The following SPESP1 variants were observed in gnomAD, a reference collection of about 807,000 sequenced individuals.
The protein encoded by SPESP1 is equatorial segment protein.
In SPESP1, 1 loss-of-function variant was observed where a neutral mutation model predicts 3.1. The ratio of observed to expected loss-of-function variants is 0.33; its 90% confidence interval spans 0.12 to 1.54. The LOEUF (loss-of-function observed/expected upper bound fraction) is 1.54. Among genes scored for constraint, SPESP1 ranks in the 40% most tolerant of loss-of-function variants. The pLI is 0.38. For synonymous variants in SPESP1, 138 were observed against 150.7 expected (o/e 0.92, Z 0.62); for missense variants, 398 against 410.1 (o/e 0.97, Z 0.26).
At chr15:68,931,800 TTAGTCTAACTG>T (rs1895550341) in intron 1 of SPESP1, among the ~76,000 whole-genome samples, 1 of 152,220 alleles carries the variant, frequency 6.6e-6, no homozygotes, top group African/African-American at 2.4e-5. Context: ...GCTTCCCCAT[TTAGTCTAACTG>T]TAGTTCATTG....
chr15:68,931,928 C>T (rs558002723), intron 1 of SPESP1, among the ~76,000 whole-genome samples: 3 of 152,264 alleles, frequency 2.0e-5, no homozygotes, highest in African/African-American at 7.2e-5. Flanking sequence ...ATCTATTTTT[C>T]AGAATTGCTA....
At chr15:68,932,851 A>G (rs1367310247) in intron 1 of SPESP1, among the ~76,000 whole-genome samples, 1 of 152,254 alleles carries the variant, frequency 6.6e-6, no homozygotes, top group Non-Finnish European at 1.5e-5. Flanking sequence ...GGTTGTAATC[A>G]TAGAAGATGT....
chr15:68,942,927 T>TTATAAA (rs6145618), intron 1 of SPESP1, among the ~76,000 whole-genome samples: 3 of 151,714 alleles, frequency 2.0e-5, no homozygotes, highest in African/African-American at 2.4e-5. Flanking sequence ...ACAATGCATT[T>TTATAAA]TATGAGTTTA....
At chr15:68,938,496 A>AT (rs1297382497) in intron 1 of SPESP1, among the ~76,000 whole-genome samples, 2 of 152,124 alleles carry the variant, frequency 1.3e-5, no homozygotes, top group African/African-American at 4.8e-5. Context: ...ATTTTGGTCC[A>AT]TTTGATGATA....
chr15:68,930,555 A>C lies in SPESP1; in HGVS notation c.-99A>C. On this transcript the variant is annotated 5_prime_UTR_variant, in exon 1 of 2. Coordinates refer to ENST00000310673, the MANE Select transcript of SPESP1 (RefSeq NM_145658.4). ...TGGGTGTCCCAGGGCCTGAGGCAGGACGGTACTCCGCTGACACCTTCCCTT... is the reference window on the plus strand; with the variant it reads ...TGGGTGTCCCAGGGCCTGAGGCAGGCCGGTACTCCGCTGACACCTTCCCTT... 1 of 1,505,756 alleles carries C rather than the reference A, an allele frequency of 6.6e-7. No individual in the cohort carries two copies. The highest frequency in any genetic ancestry group is 9.1e-7 in the Non-Finnish European group (1 of 1,094,920). 93.3% of individuals were successfully genotyped at this position (1,505,756 alleles called of 1,614,324 possible).
intron 1 of SPESP1, among the ~76,000 whole-genome samples, chr15:68,937,863 C>T (rs888126663): frequency 3.9e-5 from 6 of 152,108 alleles, no homozygotes; most frequent in African/African-American, 1.2e-4. Context: ...AGTTTTCATG[C>T]AAATTGGCTT....
At chr15:68,931,770 A>G (rs1366348915) in intron 1 of SPESP1, among the ~76,000 whole-genome samples, 1 of 152,208 alleles carries the variant, frequency 6.6e-6, no homozygotes, top group East Asian at 1.9e-4. Flanking sequence ...GGCACTTAGT[A>G]TTTAAGTCAG....
At chr15:68,940,474 C>G (rs1466202938) in intron 1 of SPESP1, among the ~76,000 whole-genome samples, 6 of 152,112 alleles carry the variant, frequency 3.9e-5, no homozygotes, top group Non-Finnish European at 7.4e-5. Flanking sequence ...TTGTCTTTCT[C>G]TTTTTCCAGT....
intron 1 of SPESP1, among the ~76,000 whole-genome samples, chr15:68,939,336 A>G (rs1212427822): frequency 6.6e-6 from 1 of 152,346 alleles, no homozygotes; most frequent in South Asian, 2.1e-4. Context: ...AAGTATAATA[A>G]CACAACTTCT....
At chr15:68,930,749 G>C in intron 1 of SPESP1, 32 bp downstream of exon 1, 1 of 1,612,728 alleles carries the variant, frequency 6.2e-7, no homozygotes, top group Non-Finnish European at 8.5e-7. Context: ...GCAGCGGACC[G>C]GGGACACCCT....
At chr15:68,930,955 G>A (rs926786609) in intron 1 of SPESP1, among the ~76,000 whole-genome samples, 6 of 152,192 alleles carry the variant, frequency 3.9e-5, no homozygotes, top group African/African-American at 1.4e-4. Flanking sequence ...CCGTGGGCGC[G>A]GGTGGAACCC....
chr15:68,931,415 G>T (rs952653403), intron 1 of SPESP1, among the ~76,000 whole-genome samples: 27 of 152,266 alleles, frequency 1.8e-4, no homozygotes, highest in Admixed American at 9.1e-4. Flanking sequence ...GCCCATGGCT[G>T]CTTTCCCACG....
intron 1 of SPESP1, among the ~76,000 whole-genome samples, chr15:68,943,312 ACT>A (rs1003381121): frequency 3.9e-5 from 6 of 152,106 alleles, no homozygotes; most frequent in Admixed American, 2.6e-4. Flanking sequence ...ATAACATCAA[ACT>A]CTATGTTTTA....
At chr15:68,932,618 C>G (rs1895578112) in intron 1 of SPESP1, among the ~76,000 whole-genome samples, 4 of 152,168 alleles carry the variant, frequency 2.6e-5, no homozygotes, top group Admixed American at 6.5e-5. Context: ...TCTCGAGCTC[C>G]TGACCTCAAA....
chr15:68,933,241 T>C (rs1895596983), intron 1 of SPESP1, among the ~76,000 whole-genome samples: 1 of 152,216 alleles, frequency 6.6e-6, no homozygotes, highest in African/African-American at 2.4e-5. Flanking sequence ...TATCTGCCTA[T>C]ACCTTTCTAA....
chr15:68,946,562 T>A lies in SPESP1; in HGVS notation c.1028T>A (p.Val343Asp), dbSNP rs1454963188. ...TLKNMCRSRRVTALLKVY is the reference protein window; with the variant it reads ...TLKNMCRSRRDTALLKVY Reference sequence around the variant, plus strand: ...AAAAATATGTGTAGATCAAGGAGAGTCACAGCCTTATTAAAAGTTTATTAA... The same window carrying A: ...AAAAATATGTGTAGATCAAGGAGAGACACAGCCTTATTAAAAGTTTATTAA... Residue 343 changes from valine (V) to aspartate (D), a missense_variant, in exon 2 of 2, where the codon GTC becomes GAC. Physicochemically the swap from Val to Asp is radical, Grantham distance 152. Coordinates refer to ENST00000310673, the MANE Select transcript of SPESP1 (RefSeq NM_145658.4). The A allele has an allele frequency of 2.0e-6, 3 of 1,479,886 alleles. No homozygotes were observed. The highest frequency in any genetic ancestry group is 4.7e-5 in the East Asian group (2 of 42,278). 91.7% of individuals were successfully genotyped at this position (1,479,886 alleles called of 1,614,324 possible).
chr15:68,938,846 T>C (rs550888871), intron 1 of SPESP1, among the ~76,000 whole-genome samples: 2 of 152,340 alleles, frequency 1.3e-5, no homozygotes, highest in African/African-American at 4.8e-5. Context: ...TCTAAGTCTC[T>C]TCCTTTTCTT....
In SPESP1 at chr15:68,946,284, T is replaced by G; in HGVS notation, c.750T>G (p.Tyr250Ter). ...ALLSDTSNPA[Y>*]REDIEASKDH... ...TTAGTGACACCAGCAACCCAGCATA[T>G]AGAGAAGATATTGAAGCCTCTAAAG... Residue 250 changes from tyrosine (Y) to a stop codon, truncating the protein, a stop_gained, in exon 2 of 2, where the codon TAT becomes TAG. Coordinates refer to ENST00000310673, the MANE Select transcript of SPESP1 (RefSeq NM_145658.4). LOFTEE classifies it low-confidence loss of function (END_TRUNC). 6.2e-7 allele frequency: 1 copy of G among 1,614,076 alleles called. No individual in the cohort carries two copies. The highest frequency in any genetic ancestry group is 8.5e-7 in the Non-Finnish European group (1 of 1,180,024).
chr15:68,944,748 A>G (rs1477248989), intron 1 of SPESP1, among the ~76,000 whole-genome samples: 2 of 152,162 alleles, frequency 1.3e-5, no homozygotes, highest in African/African-American at 4.8e-5. Flanking sequence ...TACACAAACA[A>G]ATAGGCAAGA....
Sources: gnomAD v4.1 joint callset for allele counts (sites outside exome capture counted in the v4.1 genomes callset) on GRCh38, gnomAD v4.1.1 for gene constraint, MANE v1.5 for transcripts, NCBI Gene and HGNC (gene_info 2026-07-23, HGNC 2026-07-21) for gene names.